The following CCDC191 variants were observed in gnomAD, a reference collection of about 807,000 sequenced individuals.
The protein encoded by CCDC191 is coiled-coil domain containing 191.
A neutral mutation model predicts 114.0 loss-of-function variants in CCDC191; 99 were observed. That is an observed-to-expected ratio of 0.87 (90% CI 0.74 to 1.03). The LOEUF (loss-of-function observed/expected upper bound fraction) is 1.03. CCDC191 is among the 50% of genes least tolerant of loss of function. CCDC191 has a pLI of 0.00. For synonymous variants in CCDC191, 351 were observed against 376.0 expected, an observed-to-expected ratio of 0.93 and a Z score of 0.77; for missense variants, 973 against 1,087.0, an observed-to-expected ratio of 0.90 and a Z score of 1.47.
chr3:114,002,824 T>C, intron 11 of CCDC191: 1 of 948,154 alleles, frequency 1.1e-6, no homozygotes, highest in Non-Finnish European at 1.3e-6. Flanking sequence ...TAATGTGCCT[T>C]GATGATACTT....
intron 13 of CCDC191, among the ~76,000 whole-genome samples, chr3:113,997,706 G>T (rs1211926178): frequency 6.6e-6 from 1 of 152,086 alleles, no homozygotes; most frequent in Non-Finnish European, 1.5e-5. Flanking sequence ...ATAACCCAAA[G>T]TATAAAATAC....
In CCDC191 at chr3:114,001,479, G is replaced by C. The variant is rs540083419; in HGVS notation, c.2163+116C>G. 3.0e-6 allele frequency: 4 copies of C among 1,354,496 alleles called. No individual in the cohort carries two copies. In the Admixed American group the frequency reaches 7.7e-5, roughly 26 times the overall value. The allele number at this position is 1,354,496 out of a possible 1,614,324, so 83.9% of individuals were successfully genotyped here. ...TAAGTAAGATAGAGAAAAGAAGTGA[G>C]GGTGAGAGAAGAGTATTCCAGATAG... On this transcript the variant is annotated intron_variant, in intron 13 of 16. Coordinates refer to ENST00000295878, the MANE Select transcript of CCDC191 (RefSeq NM_020817.2).
At chr3:114,015,155 TA>T (rs1035336559) in intron 8 of CCDC191, among the ~76,000 whole-genome samples, 3 of 146,838 alleles carry the variant, frequency 2.0e-5, no homozygotes, top group Non-Finnish European at 3.0e-5. Context: ...CCTGTTAAAA[TA>T]AAAAAAAAAT....
In CCDC191 at chr3:114,009,958, G is replaced by A. The variant is rs10934249; in HGVS notation, c.1413+814C>T. On this transcript the variant is annotated intron_variant, in intron 9 of 16. Transcript: ENST00000295878. ...TCCTTAGACAGGGGATATGTATTAC[G>A]TCCACTTGCGGAACTTAAAAAAAAA... 6.1e-3 allele frequency among the ~76,000 whole-genome samples: 924 copies of A among 152,096 alleles called. 3 individuals are homozygous for A. The highest frequency in any genetic ancestry group is 8.7e-3 in the Admixed American group (133 of 15,258).
intron 14 of CCDC191, among the ~76,000 whole-genome samples, chr3:113,979,685 A>G (rs2075070401): frequency 6.6e-6 from 1 of 152,160 alleles, no homozygotes; most frequent in African/African-American, 2.4e-5. Context: ...TTGTCTAGAT[A>G]TCTGGCACTG....
intron 13 of CCDC191, among the ~76,000 whole-genome samples, chr3:113,982,908 AC>A (rs1462151327): frequency 1.3e-5 from 2 of 151,960 alleles, no homozygotes; most frequent in African/African-American, 4.8e-5. Context: ...ACAACTAGAG[AC>A]CATGAGTATA....
At position 114,018,687 on chromosome 3, in the gene CCDC191, T is replaced by G. The variant is rs982997177; in HGVS notation, c.1154A>C (p.Glu385Ala). 6.2e-7 allele frequency: 1 copy of G among 1,609,948 alleles called. No homozygotes were observed. Among genetic ancestry groups the G allele is most frequent in the Non-Finnish European group, 8.5e-7 (1 of 1,178,178 alleles). Residue 385 changes from glutamate to alanine, a missense_variant, in exon 8 of 17, where the codon GAA (glutamate) becomes GCA (alanine). Glu to Ala is a moderately radical substitution (Grantham distance 107). Coordinates refer to ENST00000295878, the MANE Select transcript of CCDC191 (RefSeq NM_020817.2). Reference sequence around the variant, plus strand: ...ATACAAATAATGATACCTGTTTTCTTCCCTAAGATCATTTTCCAAGGCTTG... The same window carrying G: ...ATACAAATAATGATACCTGTTTTCTGCCCTAAGATCATTTTCCAAGGCTTG... ...ETQALENDLR[E>A]ENRKQQLATE...
chr3:113,997,304 T>C (rs1366232961), intron 13 of CCDC191, among the ~76,000 whole-genome samples: 8 of 151,948 alleles, frequency 5.3e-5, no homozygotes, highest in Non-Finnish European at 4.4e-5. Context: ...TTAGGTAGAG[T>C]TTCACATACA....
chr3:114,008,267 G>A (rs1016810285), intron 9 of CCDC191, among the ~76,000 whole-genome samples: 1 of 150,632 alleles, frequency 6.6e-6, no homozygotes, highest in Admixed American at 6.6e-5. Flanking sequence ...TCTGTCTTGG[G>A]TCTCAATGGA....
At chr3:113,971,933 C>A (rs999350572) in intron 16 of CCDC191, among the ~76,000 whole-genome samples, 1 of 151,948 alleles carries the variant, frequency 6.6e-6, no homozygotes, top group Admixed American at 6.6e-5. Flanking sequence ...AGAAATTTAT[C>A]CATTTCTTCT....
intron 8 of CCDC191, among the ~76,000 whole-genome samples, chr3:114,014,544 A>G (rs759831941): frequency 1.3e-5 from 2 of 152,044 alleles, no homozygotes; most frequent in Non-Finnish European, 2.9e-5. Flanking sequence ...TCTCCTCCCC[A>G]CCTCCAGGTG....
At position 114,042,645 on chromosome 3, in the gene CCDC191, G is replaced by T. The variant is rs546551603; in HGVS notation, c.415+58C>A. 24 of 1,331,824 alleles carry T rather than the reference G, an allele frequency of 1.8e-5. No individual in the cohort carries two copies. The South Asian group carries it at 3.9e-4, about 21-fold the overall frequency. The allele number at this position is 1,331,824 out of a possible 1,614,324, so 82.5% of individuals were successfully genotyped here. A position where few individuals can be genotyped will look rare whatever the true frequency, so the allele number is the denominator to read the frequency against. On this transcript the variant is annotated intron_variant, in intron 4 of 16. Transcript: ENST00000295878. ...CATTTGTTATTCAAAACAATTAAAA[G>T]ACTTCTTAGACACATTCATTAGATG...
At position 113,980,650 on chromosome 3, in the gene CCDC191, C is replaced by T; in HGVS notation, c.2307G>A (p.Gln769=). ...GGGGGATAACAGTGGGACAGTGTAC[C>T]TGGATGTTTTGTTTGCTTTGCATTC... The part of the protein sequence containing the change: ...RLRMQSKQNI[Q]VAEEHYSLFL... Residue 769 remains glutamine, a splice_region_variant and synonymous_variant, in exon 14 of 17, where the codon CAG becomes CAA. Coordinates refer to ENST00000295878, the MANE Select transcript of CCDC191 (RefSeq NM_020817.2). 9.4e-6 allele frequency: 15 copies of T among 1,587,532 alleles called. No individual in the cohort carries two copies. Among genetic ancestry groups the T allele is most frequent in the Non-Finnish European group, 1.2e-5 (14 of 1,172,702 alleles).
At chr3:113,976,143 C>A (rs1401406626) in intron 16 of CCDC191, among the ~76,000 whole-genome samples, 2 of 152,064 alleles carry the variant, frequency 1.3e-5, no homozygotes, top group East Asian at 3.9e-4. Flanking sequence ...CCGTTAATCC[C>A]AGCTACTTGG....
intron 13 of CCDC191, among the ~76,000 whole-genome samples, chr3:113,995,876 GTGA>G (rs1263518644): frequency 2.6e-5 from 4 of 152,210 alleles, no homozygotes; most frequent in Non-Finnish European, 5.9e-5. Context: ...CTAATGATCA[GTGA>G]TGATGAGCTT....
intron 6 of CCDC191, among the ~76,000 whole-genome samples, chr3:114,034,116 A>T (rs1295214588): frequency 6.6e-6 from 1 of 152,224 alleles, no homozygotes; most frequent in African/African-American, 2.4e-5. Context: ...GACTATTTTC[A>T]TCTTCCTCTT....
intron 16 of CCDC191, among the ~76,000 whole-genome samples, chr3:113,974,752 C>CTGTT (rs1366874352): frequency 2.0e-5 from 3 of 152,010 alleles, no homozygotes; most frequent in Non-Finnish European, 4.4e-5. Context: ...TGTAATTTAC[C>CTGTT]TGTTTAATTT....
chr3:113,965,315 T>G lies in CCDC191; in HGVS notation c.2651A>C (p.Lys884Thr). ...ITLRTWKKFV[K>T]FMKEERVKEE... ...TTTTACTCTTTCCTCTTTCATAAAT[T>G]TTACAAACTTCTTCCATGTCCGAAG... Residue 884 changes from lysine to threonine, a missense_variant, in exon 17 of 17, where the codon AAA becomes ACA. By Grantham distance (78) the Lys-to-Thr change is moderately conservative (BLOSUM62 -1). Coordinates refer to ENST00000295878, the MANE Select transcript of CCDC191 (RefSeq NM_020817.2). 1 of 1,610,354 alleles carries G rather than the reference T, an allele frequency of 6.2e-7. No homozygotes were observed.
chr3:113,965,432 CT>C, intron 16 of CCDC191, 73 bp from the exon 17 acceptor site: 1 of 782,466 alleles, frequency 1.3e-6, no homozygotes, highest in Non-Finnish European at 2.0e-6. Flanking sequence ...ACATTAAGAA[CT>C]TTATAAAAAT....
Sources: allele counts gnomAD v4.1 joint callset (sites outside exome capture counted in the v4.1 genomes callset), GRCh38; gene constraint gnomAD v4.1.1; transcripts MANE v1.5; gene names NCBI Gene and HGNC (gene_info 2026-07-23, HGNC 2026-07-21).